The following EML5 variants were observed in gnomAD, a reference collection of about 807,000 sequenced individuals.
EML5 encodes the protein echinoderm microtubule-associated protein-like 5.
EML5 carries 120 observed loss-of-function variants against 250.0 expected under a neutral mutation model. That is an observed-to-expected ratio of 0.48 (90% CI 0.41 to 0.56). EML5 has a LOEUF of 0.56. EML5 is among the 20% of genes least tolerant of loss of function. The pLI is 0.00. For missense variants in EML5, 2,006 were observed against 2,437.6 expected (o/e 0.82, Z 3.73); for synonymous variants, 771 against 806.5 (o/e 0.96, Z 0.75).
intron 31 of EML5, 56 bp downstream of exon 31, chr14:88,642,837 T>C (rs1008767261): frequency 7.2e-6 from 11 of 1,530,554 alleles, no homozygotes; most frequent in Non-Finnish European, 8.8e-6. Flanking sequence ...AGCTGCTAGA[T>C]CAAAATTTCT....
In EML5 at chr14:88,738,871, G is replaced by C. The variant is rs2093884999; in HGVS notation, c.847+8C>G. ...TGCCTAGTAATAAGACATTTGTTTT[G>C]TTATTACCTTTGTATCCCTGGTCTG... On this transcript the variant is annotated splice_region_variant and intron_variant, in intron 6 of 43. Coordinates refer to ENST00000554922, the MANE Select transcript of EML5 (RefSeq NM_183387.3). 3.2e-6 allele frequency: 5 copies of C among 1,556,136 alleles called. No homozygotes were observed. Among genetic ancestry groups the C allele is most frequent in the Non-Finnish European group, 4.3e-6 (5 of 1,149,890 alleles).
chr14:88,790,020 C>T (rs1223188868), intron 1 of EML5, among the ~76,000 whole-genome samples: 7 of 152,172 alleles, frequency 4.6e-5, no homozygotes, highest in Admixed American at 2.6e-4. Context: ...TCTGCTGTGG[C>T]ATAATTTAAA....
chr14:88,691,693 T>A (rs1439506331), intron 17 of EML5, among the ~76,000 whole-genome samples: 4 of 152,168 alleles, frequency 2.6e-5, no homozygotes, highest in Non-Finnish European at 4.4e-5. Context: ...GCCTAAGTCA[T>A]CTCCTTCAAC....
At chr14:88,629,997 C>T in intron 33 of EML5, among the ~76,000 whole-genome samples, 1 of 148,224 alleles carries the variant, frequency 6.7e-6, no homozygotes, top group Admixed American at 6.7e-5. Flanking sequence ...CCTAGTTTGC[C>T]TTTGATGCAG....
rs1177720679 is a variant in EML5, at chr14:88,627,500, A to G, written c.4531+146T>C. The G allele has an allele frequency of 9.9e-6, 7 of 703,792 alleles. No homozygotes were observed. The Admixed American group carries it at 2.1e-4, about 22-fold the overall frequency. 43.6% of individuals were successfully genotyped at this position (703,792 alleles called of 1,614,324 possible). The stretch of plus-strand genomic sequence containing the variant: ...TGGGCTTTTAAAGTGAAATATACCT[A>G]CAGTACCACTGTGTACAGTATATTG... On this transcript the variant is annotated intron_variant, in intron 34 of 43. Coordinates refer to ENST00000554922, the MANE Select transcript of EML5 (RefSeq NM_183387.3).
In EML5 at chr14:88,616,853, A is replaced by G. The variant is rs1190212386; in HGVS notation, c.5669T>C (p.Ile1890Thr). 1.2e-6 allele frequency: 2 copies of G among 1,613,762 alleles called. No homozygotes were observed. Residue 1890 changes from isoleucine (I) to threonine (T), a missense_variant, in exon 42 of 44, where the codon ATC becomes ACC. Around this residue, in one of 7 missense-constraint regions of EML5, gnomAD observed 405 missense variants for 523.3 expected, o/e 0.77. Transcript: ENST00000554922. ...TSILGDEVLG[I>T]WSRHAEKADV... is the part of the protein sequence containing the mutation. ...AGCTTTCTCAGCATGTCTGGACCAG[A>G]TTCCCAAAACCTCATCTCCTAGAAT...
intron 15 of EML5, among the ~76,000 whole-genome samples, chr14:88,696,229 GA>G (rs2093075668): frequency 6.6e-6 from 1 of 151,666 alleles, no homozygotes. Context: ...ACTTCAGTCA[GA>G]GCAGCAAAAG....
In EML5 at chr14:88,688,325, T is replaced by C; in HGVS notation, c.2688A>G (p.Val896=). The C allele has an allele frequency of 6.2e-7, 1 of 1,614,016 alleles. No homozygotes were observed. Among genetic ancestry groups the C allele is most frequent in the Non-Finnish European group, 8.5e-7 (1 of 1,179,902 alleles). ...GCCCATCATGCGCTTTCACTGTTTT[T>C]ACAAGAAAGATGTCTCTCCAGATAC... ...DVCIWRDIFL[V]KTVKAHDGPV... Residue 896 remains valine (V), a synonymous_variant, in exon 18 of 44, where the codon GTA becomes GTG. Transcript: ENST00000554922.
At chr14:88,693,891 G>A (rs1029324051) in intron 17 of EML5, among the ~76,000 whole-genome samples, 2 of 142,214 alleles carry the variant, frequency 1.4e-5, no homozygotes, top group Admixed American at 7.6e-5. Context: ...CCACCTTATC[G>A]TCCCAAGAAG....
In EML5 at chr14:88,733,741, C is replaced by G. The variant is rs139345134; in HGVS notation, c.1049+2623G>C. 1.1e-4 allele frequency among the ~76,000 whole-genome samples: 16 copies of G among 152,220 alleles called. No individual in the cohort carries two copies. The East Asian group carries it at 3.1e-3, about 29-fold the overall frequency. ...CTGATTAGCATACCATAAAAAACATCAGTAATTATCTGGAAACAATTAGGT... is the reference window on the plus strand; with the variant it reads ...CTGATTAGCATACCATAAAAAACATGAGTAATTATCTGGAAACAATTAGGT... On this transcript the variant is annotated intron_variant, in intron 7 of 43. Transcript: ENST00000554922.
At chr14:88,738,481 T>A (rs2093879527) in intron 6 of EML5, among the ~76,000 whole-genome samples, 1 of 152,086 alleles carries the variant, frequency 6.6e-6, no homozygotes, top group Non-Finnish European at 1.5e-5. Context: ...CTATCCACAT[T>A]TAAATTATCC....
chr14:88,763,869 A>C (rs1487991360), intron 1 of EML5, among the ~76,000 whole-genome samples: 2 of 152,212 alleles, frequency 1.3e-5, no homozygotes, highest in African/African-American at 4.8e-5. Context: ...ACTTAGCTGT[A>C]GGTTTTTACA....
intron 15 of EML5, 32 bp downstream of exon 15, chr14:88,696,815 T>G: frequency 6.6e-7 from 1 of 1,512,564 alleles, no homozygotes; most frequent in Non-Finnish European, 9.0e-7. Flanking sequence ...CTGCATTTTG[T>G]TAATTCTTAC....
chr14:88,739,804 T>A (rs920934260), intron 5 of EML5, among the ~76,000 whole-genome samples: 1 of 152,056 alleles, frequency 6.6e-6, no homozygotes, highest in African/African-American at 2.4e-5. Context: ...CCACAAAAAA[T>A]TTAAAAAGTA....
intron 8 of EML5, among the ~76,000 whole-genome samples, chr14:88,718,832 T>C (rs1691205938): frequency 6.6e-6 from 1 of 152,154 alleles, no homozygotes; most frequent in Admixed American, 6.6e-5. Context: ...TAGGGCTCTT[T>C]GGTGGGGGTG....
In EML5 at chr14:88,624,917, C is replaced by T. The variant is rs533872248; in HGVS notation, c.4898+53G>A. On this transcript the variant is annotated intron_variant, in intron 36 of 43. Transcript: ENST00000554922. ...AACAACTAGAATAATTAACTGCAAA[C>T]CTCAGGTAGGTCACAAATGCATAAA... 1.9e-5 allele frequency: 30 copies of T among 1,593,952 alleles called. 1 individual carries two copies. The South Asian group carries it at 3.4e-4, about 18-fold the overall frequency.
chr14:88,787,968 A>C (rs2094568013), intron 1 of EML5, among the ~76,000 whole-genome samples: 1 of 152,194 alleles, frequency 6.6e-6, no homozygotes, highest in South Asian at 2.1e-4. Flanking sequence ...ACTTTTTAAA[A>C]AATAGATTCC....
intron 8 of EML5, among the ~76,000 whole-genome samples, chr14:88,720,257 A>T (rs2093569435): frequency 6.6e-6 from 1 of 152,188 alleles, no homozygotes; most frequent in Admixed American, 6.5e-5. Context: ...AACAATTGAT[A>T]AGGAGGGACT....
chr14:88,722,455 T>A (rs2093604777), intron 8 of EML5, among the ~76,000 whole-genome samples: 1 of 152,180 alleles, frequency 6.6e-6, no homozygotes, highest in South Asian at 2.1e-4. Flanking sequence ...GGAGATCATG[T>A]CCTTTGCAGG....
Sources: allele counts gnomAD v4.1 joint callset (sites outside exome capture counted in the v4.1 genomes callset), GRCh38; gene constraint gnomAD v4.1.1; regional missense constraint gnomAD v4.1.1; transcripts MANE v1.5; gene names NCBI Gene and HGNC (gene_info 2026-07-23, HGNC 2026-07-21).